The following PADI3 variants were observed in gnomAD, a reference collection of about 807,000 sequenced individuals.
The protein encoded by PADI3 is peptidyl arginine deiminase 3.
Under a neutral mutation model 71.5 loss-of-function variants are expected in PADI3, and 53 were observed. The observed-to-expected ratio is 0.74, with a 90% CI of 0.59 to 0.93. The LOEUF (loss-of-function observed/expected upper bound fraction) is 0.93. Ranked by LOEUF, PADI3 falls within the 40% of genes least tolerant of loss-of-function variation. The pLI is 0.00. For missense variants in PADI3, 821 were observed against 868.0 expected (o/e 0.95, Z 0.68); for synonymous variants, 361 against 347.5 (o/e 1.04, Z -0.43).
intron 2 of PADI3, among the ~76,000 whole-genome samples, chr1:17,260,451 A>G (rs930000552): frequency 4.6e-5 from 7 of 152,118 alleles, no homozygotes; most frequent in Admixed American, 2.6e-4. Flanking sequence ...CTGGCCCTTT[A>G]AGGAGCACTG....
chr1:17,257,288 G>T (rs2073040854), intron 1 of PADI3, among the ~76,000 whole-genome samples: 1 of 152,208 alleles, frequency 6.6e-6, no homozygotes, highest in South Asian at 2.1e-4. Flanking sequence ...CCTGTGGGGG[G>T]CTGCCCAGGG....
intron 1 of PADI3, among the ~76,000 whole-genome samples, chr1:17,252,693 C>A (rs1269491182): frequency 6.6e-6 from 1 of 152,156 alleles, no homozygotes; most frequent in Non-Finnish European, 1.5e-5. Flanking sequence ...TGAGAGCCAC[C>A]GTGTCTGGCC....
chr1:17,272,612 T>A (rs2073270438), intron 9 of PADI3, among the ~76,000 whole-genome samples: 1 of 152,104 alleles, frequency 6.6e-6, no homozygotes, highest in African/African-American at 2.4e-5. Context: ...GTTCAAGTGA[T>A]CCTTCTGCCT....
Position 17,274,763 on chromosome 1 carries a change from C to T in PADI3, c.1284C>T (p.Ile428=), listed in dbSNP as rs767666277. ...ANGKEYPLGR[I]LIGGNLPGSS... is the part of the protein sequence containing the mutation. The stretch of plus-strand genomic sequence containing the variant: ...GGAAAGAGTACCCCCTGGGGAGGAT[C>T]CTCATTGGGGGCAACCTGCCTGGGT... Residue 428 remains isoleucine, a synonymous_variant, in exon 11 of 16, where the codon ATC becomes ATT. Coordinates refer to ENST00000375460, the MANE Select transcript of PADI3 (RefSeq NM_016233.2). 6.2e-7 allele frequency: 1 copy of T among 1,613,732 alleles called. No homozygotes were observed. Among genetic ancestry groups the T allele is most frequent in the South Asian group, 1.1e-5 (1 of 91,038 alleles).
At chr1:17,260,890 C>T (rs1041417926) in intron 2 of PADI3, among the ~76,000 whole-genome samples, 17 of 152,116 alleles carry the variant, frequency 1.1e-4, no homozygotes, top group Non-Finnish European at 2.2e-4. Flanking sequence ...GTGGGTACCC[C>T]CACCTTGAAT....
At chr1:17,253,326 G>A (rs1007764801) in intron 1 of PADI3, among the ~76,000 whole-genome samples, 4 of 152,172 alleles carry the variant, frequency 2.6e-5, no homozygotes, top group African/African-American at 4.8e-5. Context: ...GGGGCCCAGC[G>A]CACACAGCAG....
intron 2 of PADI3, among the ~76,000 whole-genome samples, chr1:17,260,855 T>C (rs1055388237): frequency 2.6e-5 from 4 of 152,120 alleles, no homozygotes; most frequent in African/African-American, 9.7e-5. Flanking sequence ...GGCCCCACCT[T>C]GGTGCCGGTT....
intron 9 of PADI3, among the ~76,000 whole-genome samples, chr1:17,271,569 C>T (rs1054821687): frequency 8.5e-5 from 13 of 152,048 alleles, no homozygotes; most frequent in Admixed American, 1.3e-4. Context: ...TCCAGTCCCA[C>T]GCCTCAGTAG....
Position 17,280,426 on chromosome 1 carries a change from G to A in PADI3, c.1632G>A (p.Val544=), listed in dbSNP as rs1308535740. 3 of 1,612,496 alleles carry A rather than the reference G, an allele frequency of 1.9e-6. No homozygotes were observed. The African/African-American group carries it at 4.0e-5, about 22-fold the overall frequency. ...ACCTCATCAACTACAATAAGTTTGTGCAGGTACAAGGGCTGTGGTGTACCT... is the reference window on the plus strand; with the variant it reads ...ACCTCATCAACTACAATAAGTTTGTACAGGTACAAGGGCTGTGGTGTACCT... The part of the protein sequence containing the change: ...NKDLINYNKF[V]QSCIDWNREV... Residue 544 remains valine, a synonymous_variant, in exon 14 of 16, where the codon GTG becomes GTA. Transcript: ENST00000375460.
chr1:17,282,787 G>C, intron 15 of PADI3, 59 bp from the exon 16 acceptor site: 1 of 1,277,278 alleles, frequency 7.8e-7, no homozygotes. Context: ...CCTGCAGGTA[G>C]AGTAGAGGTG....
Position 17,282,936 on chromosome 1 carries a change from C to A in PADI3, c.1852C>A (p.Arg618=), listed in dbSNP as rs144763474. 7 of 1,614,098 alleles carry A rather than the reference C, an allele frequency of 4.3e-6. No homozygotes were observed. Among genetic ancestry groups the A allele is most frequent in the Non-Finnish European group, 5.9e-6 (7 of 1,179,984 alleles). ...CTGCTGCTGCCTGGAGGAGAAGGTG[C>A]GGTCCCTGCTGGAGCCGCTGGGCCT... ...NGCCCLEEKV[R]SLLEPLGLHC... is the part of the protein sequence containing the mutation. Residue 618 remains arginine (R), a synonymous_variant, in exon 16 of 16, where the codon CGG becomes AGG. Transcript: ENST00000375460.
intron 1 of PADI3, among the ~76,000 whole-genome samples, chr1:17,251,256 G>A (rs547230009): frequency 6.6e-6 from 1 of 152,322 alleles, no homozygotes; most frequent in South Asian, 2.1e-4. Flanking sequence ...TCCTTTCTGG[G>A]AAGGGGAGCA....
intron 15 of PADI3, among the ~76,000 whole-genome samples, chr1:17,282,164 A>G (rs2073410083): frequency 6.6e-6 from 1 of 152,100 alleles, no homozygotes; most frequent in African/African-American, 2.4e-5. Context: ...AGTTTGTGCA[A>G]TGATTCAGGT....
In PADI3 at chr1:17,276,583, C is replaced by A. The variant is rs146033946; in HGVS notation, c.1372C>A (p.Pro458Thr). The A allele has an allele frequency of 2.0e-4, 318 of 1,614,006 alleles. 1 individual carries two copies. The Middle Eastern group carries it at 4.4e-3, about 23-fold the overall frequency. ...CCTCCATGCCCAGAAGGTGCAGCCC[C>A]CCGTGGAGCTCTTTGTGGACTGGTT... ...DFLHAQKVQPPVELFVDWLAV... is the reference protein window; with the variant it reads ...DFLHAQKVQPTVELFVDWLAV... Residue 458 changes from proline (P) to threonine (T), a missense_variant, in exon 12 of 16, where the codon CCC becomes ACC. By Grantham distance (38) the Pro-to-Thr change is conservative. Transcript: ENST00000375460.
chr1:17,266,927 C>A, intron 5 of PADI3, 91 bp downstream of exon 5: 2 of 981,176 alleles, frequency 2.0e-6, no homozygotes, highest in Non-Finnish European at 1.6e-6. Context: ...GACTCTGAGG[C>A]CAGAGTCCAG....
chr1:17,269,953 G>A (rs2073223778), intron 6 of PADI3, among the ~76,000 whole-genome samples: 1 of 152,138 alleles, frequency 6.6e-6, no homozygotes, highest in Non-Finnish European at 1.5e-5. Flanking sequence ...ATACCTAGCA[G>A]TGGAATTGCT....
Position 17,274,788 on chromosome 1 carries a change from TGA to T in PADI3, c.1307+11_1307+12del. ...CCTCATTGGGGGCAACCTGCCTGGG[TGA>T]GAGAGAGACAGGGAATGGAGTTCCT... On this transcript the variant is annotated splice_donor_region_variant and intron_variant, in intron 11 of 15. Transcript: ENST00000375460. The T allele has an allele frequency of 6.2e-7, 1 of 1,612,194 alleles. No homozygotes were observed. The highest frequency in any genetic ancestry group is 2.2e-5 in the East Asian group (1 of 44,796).
intron 1 of PADI3, among the ~76,000 whole-genome samples, chr1:17,250,018 C>G (rs983179808): frequency 5.9e-5 from 9 of 152,200 alleles, no homozygotes; most frequent in African/African-American, 2.2e-4. Flanking sequence ...GCCTTTGAGG[C>G]CCATGGTAGA....
In PADI3 at chr1:17,249,366, T is replaced by C. The variant is rs1407801072; in HGVS notation, c.92+137T>C. ...CGGAACAGCAGCCAATCAGGGAAGC[T>C]TGGGTCCTCCTCTTGCTCTACTGAG... On this transcript the variant is annotated intron_variant, in intron 1 of 15. Transcript: ENST00000375460. 53 of 718,706 alleles carry C rather than the reference T, an allele frequency of 7.4e-5. No individual in the cohort carries two copies. In the East Asian group the frequency reaches 1.4e-3, roughly 18 times the overall value. The allele number at this position is 718,706 out of a possible 1,614,324, so 44.5% of individuals were successfully genotyped here. A position where few individuals can be genotyped will look rare whatever the true frequency, so the allele number is the denominator to read the frequency against.
Sources: allele counts gnomAD v4.1 joint callset (sites outside exome capture counted in the v4.1 genomes callset), GRCh38; gene constraint gnomAD v4.1.1; transcripts MANE v1.5; gene names NCBI Gene and HGNC (gene_info 2026-07-23, HGNC 2026-07-21).